The following AVEN variants were observed in gnomAD, a reference collection of about 807,000 sequenced individuals.
AVEN encodes the protein apoptosis and caspase activation inhibitor, also known as cell death regulator Aven.
Under a neutral mutation model 38.1 loss-of-function variants are expected in AVEN, and 41 were observed. That is an observed-to-expected ratio of 1.08 (90% CI 0.84 to 1.40). The LOEUF is 1.40. Ranked by LOEUF, AVEN falls within the 40% of genes most tolerant of loss-of-function variation. The pLI, the probability that AVEN is intolerant of heterozygous loss-of-function variation, is 0.00. For synonymous variants in AVEN, 206 were observed against 171.8 expected, an observed-to-expected ratio of 1.20 and a Z score of -1.56; for missense variants, 605 against 438.8, an observed-to-expected ratio of 1.38 and a Z score of -3.38.
intron 2 of AVEN, among the ~76,000 whole-genome samples, chr15:33,911,874 A>G (rs1892930532): frequency 6.6e-6 from 1 of 152,224 alleles, no homozygotes; most frequent in Non-Finnish European, 1.5e-5. Flanking sequence ...GTTAGCATAC[A>G]GAAGAACTTC....
At chr15:33,933,520 CACACAGAGAGAGAG>C (rs1439149008) in intron 2 of AVEN, among the ~76,000 whole-genome samples, 1,790 of 80,858 alleles carry the variant, frequency 0.022, 16 homozygotes, top group Middle Eastern at 0.043. Context: ...CACACACACA[CACACAGAGAGAGAG>C]AGAGAGAGAG....
intron 2 of AVEN, 66 bp from the exon 3 acceptor site, chr15:33,876,061 C>T (rs1003134906): frequency 3.3e-5 from 48 of 1,472,926 alleles, no homozygotes; most frequent in Non-Finnish European, 4.4e-5. Flanking sequence ...CTCTAAATTT[C>T]CCTGCTAGAG....
intron 1 of AVEN, among the ~76,000 whole-genome samples, chr15:34,027,525 T>G (rs1220221018): frequency 1.7e-5 from 1 of 57,838 alleles, no homozygotes; most frequent in African/African-American, 3.2e-5. Context: ...AGAGACTCTG[T>G]CTCAAAAAAA....
intron 1 of AVEN, among the ~76,000 whole-genome samples, chr15:34,003,955 A>T (rs2140631575): frequency 6.6e-6 from 1 of 152,302 alleles, no homozygotes; most frequent in African/African-American, 2.4e-5. Flanking sequence ...AGAGGAGACA[A>T]ATTACTGACA....
downstream of AVEN, among the ~76,000 whole-genome samples, chr15:33,861,492 T>A (rs1010493800): frequency 2.6e-5 from 4 of 151,644 alleles, no homozygotes; most frequent in Non-Finnish European, 4.4e-5. Context: ...TTTTTTTTTT[T>A]AATCCTAAAC....
At chr15:33,859,436 A>G (rs979885070) in intron 11 of AVEN, 38 of 797,638 alleles carry the variant, frequency 4.8e-5, no homozygotes, top group Non-Finnish European at 1.0e-5. Flanking sequence ...TAGCAGCATG[A>G]ATACTGGCAC....
chr15:33,891,511 G>A (rs192046994), intron 2 of AVEN, among the ~76,000 whole-genome samples: 1 of 152,202 alleles, frequency 6.6e-6, no homozygotes, highest in East Asian at 1.9e-4. Context: ...ATAGTCTGCT[G>A]AGAATGATGG....
chr15:34,011,154 TG>T (rs1897620633), intron 1 of AVEN, among the ~76,000 whole-genome samples: 1 of 152,072 alleles, frequency 6.6e-6, no homozygotes, highest in African/African-American at 2.4e-5. Context: ...ATCATGCCAC[TG>T]CACTCCAGCC....
intron 2 of AVEN, among the ~76,000 whole-genome samples, chr15:33,965,930 T>TA: frequency 6.6e-6 from 1 of 151,962 alleles, no homozygotes; most frequent in African/African-American, 2.4e-5. Context: ...AGCTTTTTAT[T>TA]AAAAAAAAAG....
chr15:34,024,534 C>T (rs553801551), intron 1 of AVEN, among the ~76,000 whole-genome samples: 1 of 148,066 alleles, frequency 6.8e-6, no homozygotes, highest in East Asian at 2.0e-4. Context: ...GGAAAACTAT[C>T]AAATTAAAAC....
At chr15:33,853,105 G>C in the AVEN span, 2 of 1,573,616 alleles carry the variant, frequency 1.3e-6, no homozygotes, top group East Asian at 4.5e-5. Context: ...TTGTTAGTGG[G>C]GGTGAGTTCC....
chr15:33,926,284 T>C (rs1419072097), intron 2 of AVEN, among the ~76,000 whole-genome samples: 1 of 152,152 alleles, frequency 6.6e-6, no homozygotes, highest in Non-Finnish European at 1.5e-5. Context: ...TCTACAAATC[T>C]TTCTCTTCTT....
chr15:33,957,951 T>C (rs1023004644), intron 2 of AVEN, among the ~76,000 whole-genome samples: 2 of 152,122 alleles, frequency 1.3e-5, no homozygotes, highest in African/African-American at 4.8e-5. Flanking sequence ...AAAGTTGAAT[T>C]CTCAGTCCTC....
At chr15:33,936,937 C>T (rs958068938) in intron 2 of AVEN, among the ~76,000 whole-genome samples, 19 of 151,458 alleles carry the variant, frequency 1.3e-4, no homozygotes, top group Admixed American at 6.6e-4. Context: ...CGAGACCATC[C>T]TGGCTAACAC....
At position 34,063,205 on chromosome 15, in the gene AVEN, C is replaced by T. The variant is rs1900408097; in HGVS notation, n.1354G>A. On this transcript the variant is annotated non_coding_transcript_exon_variant, in exon 5 of 12. Coordinates refer to the AVEN transcript ENST00000675287. This position sits in a 1 kb window ranked among gnomAD's most constrained non-coding sequence, Gnocchi z 4.1. Reference sequence around the variant, plus strand: ...TGGCTGATCTCCTTCATCCTCTGGGCCCCAGCAATCCTCTGCTGGCAGTAC... The same window carrying T: ...TGGCTGATCTCCTTCATCCTCTGGGTCCCAGCAATCCTCTGCTGGCAGTAC... 2 of 1,614,056 alleles carry T rather than the reference C, an allele frequency of 1.2e-6. No individual in the cohort carries two copies. The highest frequency in any genetic ancestry group is 1.3e-5 in the African/African-American group (1 of 74,926).
At chr15:33,918,646 G>A (rs1299811152) in intron 2 of AVEN, among the ~76,000 whole-genome samples, 1 of 151,450 alleles carries the variant, frequency 6.6e-6, no homozygotes, top group African/African-American at 2.4e-5. Context: ...CAGAGATGGG[G>A]GTTTCTCCAT....
chr15:33,873,951 T>A (rs1014032350), intron 3 of AVEN, among the ~76,000 whole-genome samples: 3 of 152,108 alleles, frequency 2.0e-5, no homozygotes, highest in African/African-American at 7.2e-5. Flanking sequence ...TGCCTGACCC[T>A]CTCAGGCTCT....
the AVEN span, chr15:33,852,998 C>T: frequency 6.5e-7 from 1 of 1,528,522 alleles, no homozygotes; most frequent in Non-Finnish European, 9.0e-7. Flanking sequence ...ATGTGTTTTC[C>T]TTGATGTTAA....
intron 1 of AVEN, among the ~76,000 whole-genome samples, chr15:34,031,168 AT>A (rs34414446): frequency 2.2e-4 from 15 of 67,600 alleles, no homozygotes; most frequent in Middle Eastern, 0.018. Flanking sequence ...GCTTAGGTTA[AT>A]TTTTTTTTTT....
Sources: gnomAD v4.1 joint callset for allele counts (sites outside exome capture counted in the v4.1 genomes callset) on GRCh38, gnomAD v4.1.1 for gene constraint, Gnocchi (gnomAD v3.1) non-coding constraint, MANE v1.5 for transcripts, NCBI Gene and HGNC (gene_info 2026-07-23, HGNC 2026-07-21) for gene names.